Variants in SPOCK3 observed in about 807,000 individuals in gnomAD.
The protein encoded by SPOCK3 is SPARC (osteonectin), cwcv and kazal like domains proteoglycan 3, also known as testican-3.
In SPOCK3, 30 loss-of-function variants were observed where a neutral mutation model predicts 56.6. The observed-to-expected ratio is 0.53, with a 90% CI of 0.40 to 0.72. The LOEUF (loss-of-function observed/expected upper bound fraction) is 0.72, where lower values mean the gene tolerates loss of function less well. Among genes scored for constraint, SPOCK3 ranks in the 30% least tolerant of loss-of-function variants. The pLI is 0.00. For missense variants in SPOCK3, 527 were observed against 530.0 expected, an observed-to-expected ratio of 0.99 and a Z score of 0.06; for synonymous variants, 196 against 183.3, an observed-to-expected ratio of 1.07 and a Z score of -0.56.
At chr4:167,113,106 C>T (rs815213) in intron 2 of SPOCK3, among the ~76,000 whole-genome samples, 23,529 of 151,976 alleles carry the variant, frequency 0.15, 2,140 homozygotes, top group Middle Eastern at 0.22. Context: ...AAATCTTAGG[C>T]CAATTGTTGT....
intron 6 of SPOCK3, among the ~76,000 whole-genome samples, chr4:166,850,343 T>A (rs1748546551): frequency 6.6e-6 from 1 of 152,160 alleles, no homozygotes; most frequent in South Asian, 2.1e-4. Context: ...AATAAAAAAA[T>A]TTGAATGGAA....
chr4:167,064,935 G>A (rs115605107), intron 2 of SPOCK3, among the ~76,000 whole-genome samples: 3,586 of 147,058 alleles, frequency 0.024, 66 homozygotes, highest in Middle Eastern at 0.048. Context: ...GCAACACCAC[G>A]GACAAGCTGT....
At chr4:166,905,577 A>G (rs1034592557) in intron 5 of SPOCK3, among the ~76,000 whole-genome samples, 40 of 152,006 alleles carry the variant, frequency 2.6e-4, no homozygotes, top group African/African-American at 9.4e-4. Context: ...AAAATACTGA[A>G]CACTTTTCTT....
chr4:167,216,172 A>T (rs1378610318), intron 2 of SPOCK3, among the ~76,000 whole-genome samples: 1 of 152,106 alleles, frequency 6.6e-6, no homozygotes, highest in Non-Finnish European at 1.5e-5. Flanking sequence ...TAGGAATCAC[A>T]TGATCTCCCT....
intron 2 of SPOCK3, among the ~76,000 whole-genome samples, chr4:167,116,584 TTG>T (rs1491163642): frequency 1.3e-5 from 1 of 77,300 alleles, no homozygotes; most frequent in African/African-American, 7.2e-5. Context: ...ATATATAGTT[TTG>T]TATATATATA....
At chr4:167,112,845 T>TC in intron 2 of SPOCK3, among the ~76,000 whole-genome samples, 1 of 140,012 alleles carries the variant, frequency 7.1e-6, no homozygotes, top group Non-Finnish European at 1.6e-5. Flanking sequence ...AAGTGCTCTT[T>TC]TTTAAAAAAA....
intron 2 of SPOCK3, among the ~76,000 whole-genome samples, chr4:167,158,966 T>C (rs17703374): frequency 0.18 from 27,263 of 151,884 alleles, 2,637 homozygotes; most frequent in Admixed American, 0.26. Context: ...AAAGTGTTCA[T>C]ACATACATAG....
intron 2 of SPOCK3, among the ~76,000 whole-genome samples, chr4:167,233,707 T>A (rs1162048160): frequency 6.6e-6 from 1 of 151,860 alleles, no homozygotes. Flanking sequence ...TTGTAACCTT[T>A]GTGGGCCGGG....
chr4:166,922,082 G>A (rs1027158981), intron 4 of SPOCK3, among the ~76,000 whole-genome samples: 3 of 152,076 alleles, frequency 2.0e-5, no homozygotes, highest in Admixed American at 6.5e-5. Context: ...TATTGTGAAC[G>A]GCGGACACGA....
intron 2 of SPOCK3, among the ~76,000 whole-genome samples, chr4:167,178,528 C>T (rs896920347): frequency 1.3e-5 from 2 of 152,274 alleles, no homozygotes; most frequent in African/African-American, 4.8e-5. Flanking sequence ...TCCTTCCTAA[C>T]ATTTTATGTT....
chr4:166,869,552 G>A (rs1441582343), intron 6 of SPOCK3, among the ~76,000 whole-genome samples: 2 of 151,496 alleles, frequency 1.3e-5, no homozygotes, highest in East Asian at 3.9e-4. Context: ...GTATTCAAAA[G>A]GCAACTGATA....
intron 4 of SPOCK3, among the ~76,000 whole-genome samples, chr4:166,945,952 G>C (rs1443557551): frequency 9.2e-5 from 14 of 152,148 alleles, no homozygotes; most frequent in Admixed American, 7.9e-4. Flanking sequence ...AGTAGTAAAA[G>C]AGGAAGAACC....
intron 9 of SPOCK3, among the ~76,000 whole-genome samples, chr4:166,737,988 C>A (rs1040511582): frequency 2.0e-5 from 3 of 152,204 alleles, no homozygotes; most frequent in Non-Finnish European, 4.4e-5. Flanking sequence ...CCACCATCTG[C>A]CTTCATCGCT....
chr4:166,896,163 T>G (rs968125472), intron 5 of SPOCK3, among the ~76,000 whole-genome samples: 2 of 152,122 alleles, frequency 1.3e-5, no homozygotes, highest in Non-Finnish European at 2.9e-5. Context: ...GAGAGTGGGT[T>G]ATCAATCTCA....
At chr4:167,050,726 A>G (rs1366450690) in intron 3 of SPOCK3, among the ~76,000 whole-genome samples, 1 of 152,214 alleles carries the variant, frequency 6.6e-6, no homozygotes, top group African/African-American at 2.4e-5. Flanking sequence ...AAAAACTGGG[A>G]AATTCTGACA....
chr4:166,811,588 G>A (rs1354669531), intron 6 of SPOCK3, among the ~76,000 whole-genome samples: 1 of 151,830 alleles, frequency 6.6e-6, no homozygotes, highest in African/African-American at 2.4e-5. Context: ...TCACATATGA[G>A]AGTGGCAAAG....
intron 8 of SPOCK3, among the ~76,000 whole-genome samples, chr4:166,743,304 TG>T (rs1424338395): frequency 6.6e-6 from 1 of 152,162 alleles, no homozygotes; most frequent in African/African-American, 2.4e-5. Flanking sequence ...TTAATTTAAA[TG>T]TTTTTAAAAT....
At chr4:166,811,746 A>G (rs1291156772) in intron 6 of SPOCK3, among the ~76,000 whole-genome samples, 1 of 151,888 alleles carries the variant, frequency 6.6e-6, no homozygotes, top group Non-Finnish European at 1.5e-5. Context: ...AATACAGTAT[A>G]CTTATTCATA....
intron 2 of SPOCK3, among the ~76,000 whole-genome samples, chr4:167,108,358 T>C (rs536040713): frequency 2.0e-5 from 3 of 152,092 alleles, no homozygotes; most frequent in African/African-American, 7.2e-5. Flanking sequence ...TCCACTCTCA[T>C]GTTTACTGCG....
Sources: gnomAD v4.1 joint callset for allele counts (sites outside exome capture counted in the v4.1 genomes callset) on GRCh38, gnomAD v4.1.1 for gene constraint, MANE v1.5 for transcripts, NCBI Gene and HGNC (gene_info 2026-07-23, HGNC 2026-07-21) for gene names.